CACNA1D: variants seen among roughly 807,000 people sequenced by gnomAD.
The protein encoded by CACNA1D is voltage-dependent L-type calcium channel subunit alpha-1D.
In CACNA1D, 55 loss-of-function variants were observed where a neutral mutation model predicts 257.1. The ratio of observed to expected loss-of-function variants is 0.21; its 90% CI spans 0.17 to 0.27. The LOEUF is 0.27. CACNA1D is among the 10% of genes least tolerant of loss of function. The pLI, the probability that CACNA1D is intolerant of heterozygous loss-of-function variation, is 1.00. For synonymous variants in CACNA1D, 980 were observed against 1,014.9 expected (o/e 0.97, Z 0.65); for missense variants, 1,876 against 2,784.0 (o/e 0.67, Z 7.34).
chr3:53,741,688 C>G (rs1241612087), intron 21 of CACNA1D, among the ~76,000 whole-genome samples: 1 of 152,156 alleles, frequency 6.6e-6, no homozygotes, highest in Non-Finnish European at 1.5e-5. Context: ...GCAGAATGCA[C>G]AGTGGTGGGG....
chr3:53,525,260 T>C (rs2091723220), intron 3 of CACNA1D, among the ~76,000 whole-genome samples: 1 of 152,198 alleles, frequency 6.6e-6, no homozygotes, highest in East Asian at 1.9e-4. Flanking sequence ...CTCATAGTTA[T>C]TGCTTAGCTC....
At chr3:53,609,558 A>C (rs1197200474) in intron 3 of CACNA1D, among the ~76,000 whole-genome samples, 1 of 152,190 alleles carries the variant, frequency 6.6e-6, no homozygotes, top group Non-Finnish European at 1.5e-5. Flanking sequence ...TATTGGCATA[A>C]AATTATTCAT....
chr3:53,733,609 A>G (rs1222574000), intron 19 of CACNA1D, among the ~76,000 whole-genome samples: 1 of 152,208 alleles, frequency 6.6e-6, no homozygotes, highest in Non-Finnish European at 1.5e-5. Flanking sequence ...CACAAGTACT[A>G]TAAGAGGAAG....
chr3:53,522,257 TCTGTCCA>T (rs1345833294), intron 3 of CACNA1D, among the ~76,000 whole-genome samples: 2 of 152,206 alleles, frequency 1.3e-5, no homozygotes, highest in Non-Finnish European at 2.9e-5. Context: ...CCACTGGCAT[TCTGTCCA>T]CTCCTGACCC....
chr3:53,726,217 A>G (rs2094933140), intron 14 of CACNA1D, among the ~76,000 whole-genome samples: 1 of 152,248 alleles, frequency 6.6e-6, no homozygotes, highest in African/African-American at 2.4e-5. Flanking sequence ...CTCAGAGAAG[A>G]CACCTAGTGC....
intron 10 of CACNA1D, 57 bp from the exon 11 acceptor site, chr3:53,719,698 G>T: frequency 6.9e-7 from 1 of 1,457,292 alleles, no homozygotes; most frequent in Non-Finnish European, 9.6e-7. Flanking sequence ...AAATGATGGG[G>T]AGTGTGTGCT....
At chr3:53,771,825 A>G (rs936513904) in intron 32 of CACNA1D, among the ~76,000 whole-genome samples, 1 of 152,366 alleles carries the variant, frequency 6.6e-6, no homozygotes, top group South Asian at 2.1e-4. Flanking sequence ...ATCTAGGAAG[A>G]AAATGCACGT....
chr3:53,577,653 C>T (rs1575946459), intron 3 of CACNA1D, among the ~76,000 whole-genome samples: 2 of 152,090 alleles, frequency 1.3e-5, no homozygotes, highest in East Asian at 3.9e-4. Context: ...CGGAGGTTCT[C>T]ACCAGGGGAA....
At chr3:53,745,928 C>G in intron 25 of CACNA1D, 53 bp downstream of exon 25, 1 of 1,367,022 alleles carries the variant, frequency 7.3e-7, no homozygotes, top group Non-Finnish European at 1.0e-6. Flanking sequence ...TAGCAGACTT[C>G]AAGGATTCAC....
chr3:53,656,136 G>A (rs1381607302), intron 4 of CACNA1D, among the ~76,000 whole-genome samples: 5 of 152,106 alleles, frequency 3.3e-5, no homozygotes, highest in African/African-American at 1.2e-4. Context: ...CTGTTGGTCT[G>A]TGTGTCTGTT....
chr3:53,588,349 A>T (rs575564332), intron 3 of CACNA1D, among the ~76,000 whole-genome samples: 1 of 152,328 alleles, frequency 6.6e-6, no homozygotes, highest in South Asian at 2.1e-4. Context: ...CCCCTGGAAC[A>T]TGCACAGGAC....
chr3:53,637,401 T>G (rs1272162252), intron 3 of CACNA1D, among the ~76,000 whole-genome samples: 1 of 152,202 alleles, frequency 6.6e-6, no homozygotes, highest in Non-Finnish European at 1.5e-5. Context: ...ACGTTCCCTT[T>G]CTCACCTACT....
At chr3:53,662,990 G>A (rs2094220054) in intron 5 of CACNA1D, among the ~76,000 whole-genome samples, 1 of 152,158 alleles carries the variant, frequency 6.6e-6, no homozygotes, top group Non-Finnish European at 1.5e-5. Context: ...TGTGTTCCTT[G>A]TAGGAGGTAA....
At position 53,723,987 on chromosome 3, in the gene CACNA1D, C is replaced by T; in HGVS notation, c.2088C>T (p.Leu696=). 5 of 1,613,986 alleles carry T rather than the reference C, an allele frequency of 3.1e-6. No homozygotes were observed. Among genetic ancestry groups the T allele is most frequent in the Middle Eastern group, 1.6e-4 (1 of 6,062 alleles). The change falls in exon 14 of 48, where the codon CTC becomes CTT. Residue 696 remains leucine, a synonymous_variant. Coordinates refer to ENST00000350061, the MANE Select transcript of CACNA1D (RefSeq NM_001128840.3). The surrounding 1 kb of genome is among the most constrained non-coding windows in gnomAD (Gnocchi z 5.6). ...TTGACAATTTCCCTCAAGCACTTCT[C>T]ACAGTGTTCCAGGTGAGTCCTCCCT... is the stretch of plus-strand genomic sequence containing the variant. ...STFDNFPQAL[L]TVFQILTGED...
chr3:53,771,991 CG>C (rs2095368924), intron 32 of CACNA1D, among the ~76,000 whole-genome samples: 1 of 152,164 alleles, frequency 6.6e-6, no homozygotes, highest in African/African-American at 2.4e-5. Flanking sequence ...CAAGCTCTCT[CG>C]GATAGTAGAG....
chr3:53,797,587 A>G (rs2095513567), intron 40 of CACNA1D, among the ~76,000 whole-genome samples: 1 of 152,244 alleles, frequency 6.6e-6, no homozygotes, highest in South Asian at 2.1e-4. Flanking sequence ...TTGCAAACAA[A>G]TTCTCTGTCC....
intron 14 of CACNA1D, among the ~76,000 whole-genome samples, chr3:53,724,877 C>G (rs1019904001): frequency 1.3e-5 from 2 of 152,114 alleles, no homozygotes; most frequent in Non-Finnish European, 2.9e-5. Context: ...TTCTCTCCCA[C>G]TTGGTCATTT....
intron 8 of CACNA1D, among the ~76,000 whole-genome samples, chr3:53,682,460 G>C (rs2108474593): frequency 6.7e-6 from 1 of 149,756 alleles, no homozygotes; most frequent in East Asian, 2.0e-4. Context: ...AGGAGGCTGA[G>C]ACAGGAGGAT....
At chr3:53,555,061 A>C (rs2092612523) in intron 3 of CACNA1D, among the ~76,000 whole-genome samples, 1 of 152,240 alleles carries the variant, frequency 6.6e-6, no homozygotes, top group Admixed American at 6.5e-5. Flanking sequence ...AATGAAGGTG[A>C]AAACTTGTAA....
Sources: allele counts gnomAD v4.1 joint callset (sites outside exome capture counted in the v4.1 genomes callset), GRCh38; gene constraint gnomAD v4.1.1; non-coding constraint Gnocchi (gnomAD v3.1); transcripts MANE v1.5; gene names NCBI Gene and HGNC (gene_info 2026-07-23, HGNC 2026-07-21).